SMURF1: variants seen among roughly 807,000 people sequenced by gnomAD.
SMURF1 encodes E3 ubiquitin-protein ligase SMURF1.
A neutral mutation model predicts 98.0 loss-of-function variants in SMURF1; 44 were observed. The ratio of observed to expected loss-of-function variants is 0.45; its 90% CI spans 0.35 to 0.58. The LOEUF is 0.58. Ranked by LOEUF, SMURF1 falls within the 20% of genes least tolerant of loss-of-function variation. The pLI, the probability that SMURF1 is intolerant of heterozygous loss-of-function variation, is 0.00. For missense variants in SMURF1, 687 were observed against 938.4 expected, an observed-to-expected ratio of 0.73 and a Z score of 3.50; for synonymous variants, 396 against 374.9, an observed-to-expected ratio of 1.06 and a Z score of -0.65.
At chr7:99,090,932 T>C (rs1563024377) in intron 1 of SMURF1, among the ~76,000 whole-genome samples, 2 of 152,172 alleles carry the variant, frequency 1.3e-5, no homozygotes, top group Non-Finnish European at 2.9e-5. Flanking sequence ...AGCTACGCTC[T>C]AGTTAGGGGG....
At chr7:99,139,062 A>G (rs1483078321) in intron 1 of SMURF1, among the ~76,000 whole-genome samples, 1 of 152,234 alleles carries the variant, frequency 6.6e-6, no homozygotes, top group East Asian at 1.9e-4. Flanking sequence ...CCTGCCTCAC[A>G]TAAGTGAGGT....
chr7:99,068,945 C>T (rs1196261693), intron 1 of SMURF1, among the ~76,000 whole-genome samples: 13 of 152,102 alleles, frequency 8.5e-5, no homozygotes, highest in Admixed American at 8.5e-4. Context: ...GTTTCCCAAA[C>T]GTCAGTCTGT....
rs76452625 is a variant in SMURF1, at chr7:99,122,739, TTC to T, written c.55+20985_55+20986del. On this transcript the variant is annotated intron_variant, in intron 1 of 17. Coordinates refer to ENST00000361368, the MANE Select transcript of SMURF1 (RefSeq NM_181349.3). ...CAACCATGCCACAGGGCTTTTTTCT[TTC>T]TTTCTTTTTTTTTTTTTTTTTTTTT... is the stretch of plus-strand genomic sequence containing the variant. Among the ~76,000 whole-genome samples, 35 of 116,772 alleles carry T rather than the reference TTC, an allele frequency of 3.0e-4. 1 individual carries two copies. The highest frequency in any genetic ancestry group is 8.6e-4 in the African/African-American group (29 of 33,832). The allele number at this position is 116,772 out of a possible 152,430, so 76.6% of individuals were successfully genotyped here.
intron 1 of SMURF1, among the ~76,000 whole-genome samples, chr7:99,074,048 AT>A (rs1395575204): frequency 1.3e-5 from 2 of 152,230 alleles, no homozygotes; most frequent in Admixed American, 6.5e-5. Context: ...CAACACACAC[AT>A]TTATGAATGA....
intron 1 of SMURF1, among the ~76,000 whole-genome samples, chr7:99,068,895 A>G (rs1305267277): frequency 6.6e-6 from 1 of 152,164 alleles, no homozygotes; most frequent in Admixed American, 6.5e-5. Flanking sequence ...TTCAGGGTCC[A>G]GGCCAGGCAT....
In SMURF1 at chr7:99,045,756, T is replaced by G; in HGVS notation, c.1198A>C (p.Lys400Gln). ...IMKMRPKDLK[K>Q]RLMVKFRGEE... ...CCACGGAATTTCACCATCAGCCGTT[T>G]TTTCAAGTCTTTCGGTCGCATCTTC... is the stretch of plus-strand genomic sequence containing the variant. Residue 400 changes from lysine to glutamine, a missense_variant, in exon 11 of 18, where the codon AAA becomes CAA. Transcript: ENST00000361368. 6.2e-7 allele frequency: 1 copy of G among 1,614,230 alleles called. No individual in the cohort carries two copies. The highest frequency in any genetic ancestry group is 8.5e-7 in the Non-Finnish European group (1 of 1,180,036).
chr7:99,072,735 G>C (rs760247181), intron 1 of SMURF1, among the ~76,000 whole-genome samples: 39 of 152,096 alleles, frequency 2.6e-4, no homozygotes, highest in Non-Finnish European at 4.3e-4. Context: ...GAAAACCCCA[G>C]GAAATACACA....
At chr7:99,040,956 A>G (rs1044637530) in intron 12 of SMURF1, among the ~76,000 whole-genome samples, 1 of 152,176 alleles carries the variant, frequency 6.6e-6, no homozygotes, top group Non-Finnish European at 1.5e-5. Context: ...CTCCCACTGC[A>G]CAGGAAAGAA....
At chr7:99,084,290 A>G (rs1174082388) in intron 1 of SMURF1, among the ~76,000 whole-genome samples, 1 of 152,062 alleles carries the variant, frequency 6.6e-6, no homozygotes, top group Non-Finnish European at 1.5e-5. Context: ...ATTGATATTT[A>G]TTTATTTTTG....
chr7:99,031,465 G>T (rs1413423891), intron 17 of SMURF1: 2 of 152,164 alleles, frequency 1.3e-5, no homozygotes, highest in African/African-American at 2.4e-5. Context: ...GGCTTTCTAG[G>T]GTAAGCAATT....
At chr7:99,063,977 G>A (rs528694405) in intron 1 of SMURF1, among the ~76,000 whole-genome samples, 52 of 152,206 alleles carry the variant, frequency 3.4e-4, no homozygotes, top group Middle Eastern at 3.4e-3. Context: ...TTGACATCAC[G>A]AAGTGGTGTT....
intron 1 of SMURF1, among the ~76,000 whole-genome samples, chr7:99,131,307 G>A (rs1797867406): frequency 6.6e-6 from 1 of 152,148 alleles, no homozygotes; most frequent in Admixed American, 6.5e-5. Flanking sequence ...CTGAAGAAAG[G>A]AGGCAGGGTG....
chr7:99,071,113 G>A (rs1020115694), intron 1 of SMURF1, among the ~76,000 whole-genome samples: 2 of 150,360 alleles, frequency 1.3e-5, no homozygotes, highest in African/African-American at 2.5e-5. Context: ...AGGCTGGAGT[G>A]CAGTGGCACG....
intron 1 of SMURF1, among the ~76,000 whole-genome samples, chr7:99,088,455 T>G (rs1051602435): frequency 6.6e-6 from 1 of 151,748 alleles, no homozygotes; most frequent in Non-Finnish European, 1.5e-5. Context: ...CAATCTGTCC[T>G]TTACTGTCCT....
chr7:99,030,884 G>C, intron 17 of SMURF1: 2 of 489,372 alleles, frequency 4.1e-6, no homozygotes. Context: ...CTTTTTGGTA[G>C]AGACAGGGTC....
At chr7:99,063,237 TTATTTATATATATATATA>T (rs1796081996) in intron 1 of SMURF1, among the ~76,000 whole-genome samples, 1 of 76,922 alleles carries the variant, frequency 1.3e-5, no homozygotes, top group African/African-American at 7.0e-5. Flanking sequence ...TATATAAGAT[TTATTTATATATATATATA>T]TATATATATA....
At chr7:99,143,692 G>T (rs1027330400) in intron 1 of SMURF1, 34 bp downstream of exon 1, 2 of 1,532,260 alleles carry the variant, frequency 1.3e-6, no homozygotes, top group Non-Finnish European at 8.8e-7. Flanking sequence ...GCGAGGGGGC[G>T]CCGGGGCGCG....
chr7:99,119,012 T>A (rs1411804638), intron 1 of SMURF1, among the ~76,000 whole-genome samples: 4 of 48,258 alleles, frequency 8.3e-5, no homozygotes, highest in African/African-American at 5.1e-4. Context: ...AATTTTTTTT[T>A]TTTTTTTTTT....
chr7:99,086,636 G>A lies in SMURF1; in HGVS notation c.56-24799C>T, dbSNP rs75940591. Among the ~76,000 whole-genome samples, 609 of 152,242 alleles carry A rather than the reference G, an allele frequency of 4.0e-3. 5 individuals carry two copies. The highest frequency in any genetic ancestry group is 7.4e-3 in the Non-Finnish European group (505 of 68,018). ...TGAATGCTCATAGCAGCATTGTTCA[G>A]AATAGCAAAAATGCAGAAACAACCC... On this transcript the variant is annotated intron_variant, in intron 1 of 17. Transcript: ENST00000361368.
Sources: gnomAD v4.1 joint callset for allele counts (sites outside exome capture counted in the v4.1 genomes callset) on GRCh38, gnomAD v4.1.1 for gene constraint, MANE v1.5 for transcripts, NCBI Gene and HGNC (gene_info 2026-07-23, HGNC 2026-07-21) for gene names.